The following ATP10B variants were observed in gnomAD, a reference collection of about 807,000 sequenced individuals.
ATP10B encodes the protein phospholipid-transporting ATPase VB.
Under a neutral mutation model 141.2 loss-of-function variants are expected in ATP10B, and 122 were observed. The observed-to-expected ratio is 0.86, with a 90% confidence interval of 0.75 to 1.00. ATP10B has a LOEUF of 1.00. Among genes scored for constraint, ATP10B ranks in the 50% least tolerant of loss-of-function variants. The pLI is 0.00. For missense variants in ATP10B, 1,876 were observed against 1,825.3 expected, an observed-to-expected ratio of 1.03 and a Z score of -0.51; for synonymous variants, 685 against 692.0, an observed-to-expected ratio of 0.99 and a Z score of 0.16.
At chr5:160,691,594 T>C (rs887339759) in intron 3 of ATP10B, 1 of 152,248 alleles carries the variant, frequency 6.6e-6, no homozygotes, top group African/African-American at 2.4e-5. Context: ...TGTCAAGTAC[T>C]ATTAATCTTA....
At chr5:160,791,145 A>G (rs145805381) in intron 1 of ATP10B, among the ~76,000 whole-genome samples, 63 of 152,322 alleles carry the variant, frequency 4.1e-4, no homozygotes, top group Non-Finnish European at 7.6e-4. Flanking sequence ...AAGAAAGAAT[A>G]TAAATTTTCC....
chr5:160,828,040 A>T (rs1423848665), intron 1 of ATP10B, among the ~76,000 whole-genome samples: 1 of 152,152 alleles, frequency 6.6e-6, no homozygotes, highest in Non-Finnish European at 1.5e-5. Context: ...CCTTCCTTAC[A>T]CCTTATACAA....
At position 160,620,750 on chromosome 5, in the gene ATP10B, TC is replaced by T; in HGVS notation, c.2012del (p.Gly671GlufsTer68). 1 of 1,614,212 alleles carries T rather than the reference TC, an allele frequency of 6.2e-7. No individual in the cohort carries two copies. The highest frequency in any genetic ancestry group is 1.1e-5 in the South Asian group (1 of 91,080). ...DERDDASVCS[G>X]GDSTDDGGYR... Reference sequence around the variant, plus strand: ...AGCCACCGTCATCAGTGGAGTCACCTCCACTGCACACAGATGCATCATCTCT... The same window carrying T: ...AGCCACCGTCATCAGTGGAGTCACCTCACTGCACACAGATGCATCATCTCT... On this transcript the variant is annotated frameshift_variant, in exon 15 of 26. Coordinates refer to ENST00000327245, the MANE Select transcript of ATP10B (RefSeq NM_025153.3). LOFTEE classifies it high-confidence loss of function.
At chr5:160,845,324 A>T (rs549220532) in intron 1 of ATP10B, among the ~76,000 whole-genome samples, 257 of 152,302 alleles carry the variant, frequency 1.7e-3, no homozygotes, top group Non-Finnish European at 3.2e-3. Flanking sequence ...GACACCAAGG[A>T]ACATATCAGT....
At chr5:160,835,168 T>A (rs1386660349) in intron 1 of ATP10B, among the ~76,000 whole-genome samples, 1 of 151,920 alleles carries the variant, frequency 6.6e-6, no homozygotes, top group Admixed American at 6.6e-5. Flanking sequence ...AAGAGCTCTG[T>A]TTCTCACACC....
chr5:160,665,916 A>G (rs116490607), intron 7 of ATP10B, among the ~76,000 whole-genome samples: 1,620 of 152,290 alleles, frequency 0.011, 21 homozygotes, highest in African/African-American at 0.037. Flanking sequence ...AATACTTATT[A>G]TGTAAGATAT....
chr5:160,685,987 T>C, intron 6 of ATP10B, 92 bp downstream of exon 6: 1 of 1,014,664 alleles, frequency 9.9e-7, no homozygotes, highest in East Asian at 2.8e-5. Flanking sequence ...TTTAGGAAAA[T>C]AAAATCGAAG....
chr5:160,598,743 C>G (rs1298268993), intron 22 of ATP10B, 27 bp downstream of exon 22: 5 of 1,611,254 alleles, frequency 3.1e-6, no homozygotes, highest in Non-Finnish European at 4.2e-6. Context: ...CTGAAGTCAC[C>G]TCCCTTTGGC....
At chr5:160,929,347 G>T in the ATP10B span, among the ~76,000 whole-genome samples, 12 of 152,302 alleles carry the variant, frequency 7.9e-5, 1 homozygote, top group Middle Eastern at 3.4e-3. Context: ...TCCCATCAAA[G>T]GGGAGCGACT....
chr5:160,736,016 A>G (rs553254909), intron 2 of ATP10B, among the ~76,000 whole-genome samples: 1 of 152,302 alleles, frequency 6.6e-6, no homozygotes, highest in South Asian at 2.1e-4. Context: ...GTTTATAACT[A>G]TAAGTGCCTA....
At chr5:160,636,907 T>C (rs1053187931) in intron 10 of ATP10B, among the ~76,000 whole-genome samples, 1 of 151,002 alleles carries the variant, frequency 6.6e-6, no homozygotes, top group Admixed American at 6.6e-5. Flanking sequence ...CATTCATCCA[T>C]TTTTCTATAG....
At chr5:160,637,807 C>A (rs1759531525) in intron 10 of ATP10B, among the ~76,000 whole-genome samples, 1 of 152,140 alleles carries the variant, frequency 6.6e-6, no homozygotes, top group Non-Finnish European at 1.5e-5. Flanking sequence ...TGCTTCCTTG[C>A]CCAGGAGTTT....
At chr5:160,645,604 T>C (rs1760224655) in intron 8 of ATP10B, among the ~76,000 whole-genome samples, 1 of 152,200 alleles carries the variant, frequency 6.6e-6, no homozygotes, top group Admixed American at 6.5e-5. Context: ...CACCTCACAC[T>C]AGAAACTTCT....
the ATP10B span, among the ~76,000 whole-genome samples, chr5:160,919,924 A>G: frequency 6.6e-6 from 1 of 152,216 alleles, no homozygotes; most frequent in Non-Finnish European, 1.5e-5. Context: ...TTTCAGTTAT[A>G]TTTTAGAAAT....
At chr5:160,594,393 A>T (rs1329910191) in intron 22 of ATP10B, among the ~76,000 whole-genome samples, 1 of 152,228 alleles carries the variant, frequency 6.6e-6, no homozygotes. Flanking sequence ...AGGAAGCACT[A>T]AACATGGAAA....
chr5:160,620,630 G>A lies in ATP10B; in HGVS notation c.2133C>T (p.Ala711=). 2 of 1,613,740 alleles carry A rather than the reference G, an allele frequency of 1.2e-6. No homozygotes were observed. Among genetic ancestry groups the A allele is most frequent in the Non-Finnish European group, 1.7e-6 (2 of 1,179,668 alleles). The part of the protein sequence containing the change: ...EALEAPATDL[A]RPEFCYEAES... ...CAGCCTCGTAACAGAACTCAGGCCT[G>A]GCCAGGTCTGTGGCTGGGGCCTCCA... The change falls in exon 15 of 26, where the codon GCC becomes GCT. Residue 711 remains alanine (A), a synonymous_variant. Transcript: ENST00000327245.
chr5:160,589,114 C>G (rs968329602), intron 24 of ATP10B, among the ~76,000 whole-genome samples: 3 of 152,132 alleles, frequency 2.0e-5, no homozygotes, highest in Non-Finnish European at 4.4e-5. Context: ...CATGTTCAAG[C>G]AATTTTCCTG....
chr5:160,814,509 T>C lies in ATP10B; in HGVS notation c.-575-28706A>G, dbSNP rs1408978585. ...GTGAAAAGACCAAATCTACGTCTGA[T>C]TGGCGTACCTGAAAGTGACGGGGAG... is the stretch of plus-strand genomic sequence containing the variant. On this transcript the variant is annotated intron_variant, in intron 1 of 25. Coordinates refer to ENST00000327245, the MANE Select transcript of ATP10B (RefSeq NM_025153.3). 6.7e-5 allele frequency among the ~76,000 whole-genome samples: 10 copies of C among 149,686 alleles called. 1 individual carries two copies. The highest frequency in any genetic ancestry group is 4.0e-4 in the East Asian group (2 of 5,036).
At chr5:160,670,774 C>G in intron 6 of ATP10B, 107 bp from the exon 7 acceptor site, 1 of 991,218 alleles carries the variant, frequency 1.0e-6, no homozygotes, top group Non-Finnish European at 1.5e-6. Flanking sequence ...ACCAAGTCAG[C>G]CTGTCATGAG....
Sources: allele counts gnomAD v4.1 joint callset (sites outside exome capture counted in the v4.1 genomes callset), GRCh38; gene constraint gnomAD v4.1.1; transcripts MANE v1.5; gene names NCBI Gene and HGNC (gene_info 2026-07-23, HGNC 2026-07-21).